The following VPS41 variants were observed in gnomAD, a reference collection of about 807,000 sequenced individuals.
The protein encoded by VPS41 is vacuolar protein sorting-associated protein 41 homolog.
Under a neutral mutation model 130.9 loss-of-function variants are expected in VPS41, and 85 were observed. That is an observed-to-expected ratio of 0.65 (90% CI 0.55 to 0.78). VPS41 has a LOEUF of 0.78. VPS41 is among the 30% of genes least tolerant of loss of function. The pLI, the probability that VPS41 is intolerant of heterozygous loss-of-function variation, is 0.00. For missense variants in VPS41, 874 were observed against 1,018.7 expected (o/e 0.86, Z 1.93); for synonymous variants, 335 against 332.9 (o/e 1.01, Z -0.07).
intron 5 of VPS41, 21 bp downstream of exon 5, chr7:38,830,233 A>G (rs779340650): frequency 6.4e-7 from 1 of 1,572,854 alleles, no homozygotes; most frequent in East Asian, 2.2e-5. Context: ...AACTCTCTGC[A>G]TGACCACATC....
At chr7:38,875,456 A>T (rs1025864163) in intron 2 of VPS41, among the ~76,000 whole-genome samples, 1 of 152,200 alleles carries the variant, frequency 6.6e-6, no homozygotes, top group Non-Finnish European at 1.5e-5. Flanking sequence ...CCAAGAAAGA[A>T]TGCTACTTCC....
At chr7:38,727,234 T>G (rs1299458746) in intron 27 of VPS41, 1 of 286,076 alleles carries the variant, frequency 3.5e-6, no homozygotes, top group Non-Finnish European at 6.5e-6. Flanking sequence ...CAGACTACAT[T>G]GAGGACAACT....
chr7:38,881,534 A>G (rs1179142567), intron 2 of VPS41, among the ~76,000 whole-genome samples: 1 of 152,198 alleles, frequency 6.6e-6, no homozygotes, highest in Non-Finnish European at 1.5e-5. Flanking sequence ...GAATAATATA[A>G]GGATCAGAGA....
chr7:38,876,533 A>T (rs1222126983), intron 2 of VPS41, among the ~76,000 whole-genome samples: 2 of 152,076 alleles, frequency 1.3e-5, no homozygotes, highest in Admixed American at 1.3e-4. Context: ...GATAGCAAAT[A>T]AAAAAAATCA....
intron 25 of VPS41, among the ~76,000 whole-genome samples, chr7:38,739,530 T>C (rs1795842094): frequency 2.6e-5 from 4 of 152,224 alleles, no homozygotes; most frequent in Admixed American, 2.6e-4. Context: ...CGGTCATTAA[T>C]ACATTATGTA....
chr7:38,774,295 C>A (rs773384092), intron 11 of VPS41, 51 bp from the exon 12 acceptor site: 1 of 1,478,618 alleles, frequency 6.8e-7, no homozygotes, highest in Non-Finnish European at 9.1e-7. Flanking sequence ...TTCTATATAT[C>A]ATACAAATTA....
At chr7:38,908,435 G>A (rs1041452506) in intron 1 of VPS41, among the ~76,000 whole-genome samples, 12 of 152,186 alleles carry the variant, frequency 7.9e-5, no homozygotes, top group Non-Finnish European at 1.8e-4. Context: ...CACGTTGCCA[G>A]TTGTTGACTG....
intron 25 of VPS41, among the ~76,000 whole-genome samples, chr7:38,732,683 T>C (rs900472076): frequency 3.3e-5 from 5 of 152,198 alleles, no homozygotes; most frequent in Non-Finnish European, 7.3e-5. Flanking sequence ...AAAAAAAAGA[T>C]AGGGCTATAA....
intron 7 of VPS41, among the ~76,000 whole-genome samples, chr7:38,799,643 A>G (rs1435321964): frequency 6.6e-6 from 1 of 152,220 alleles, no homozygotes; most frequent in African/African-American, 2.4e-5. Flanking sequence ...AAATTAACCT[A>G]TAATTTTAAT....
chr7:38,768,666 G>A (rs1784095644), intron 14 of VPS41, among the ~76,000 whole-genome samples: 1 of 152,084 alleles, frequency 6.6e-6, no homozygotes. Flanking sequence ...TCTGGAAACA[G>A]ATCACACGTA....
At position 38,795,472 on chromosome 7, in the gene VPS41, G is replaced by C. The variant is rs1784601479; in HGVS notation, c.710C>G (p.Ser237Cys). ...NVTLIIGWGT[S>C]VKVCSVKERH... The stretch of plus-strand genomic sequence containing the variant: ...AAAGACAAGCAAAACCACCTTGACA[G>C]AAGTCCCCCAGCCAATAATCAGTGT... The change falls in exon 9 of 29, where the codon TCT (serine) becomes TGT (cysteine). Residue 237 changes from serine to cysteine, a missense_variant. By Grantham distance (112) the Ser-to-Cys change is moderately radical. Coordinates refer to ENST00000310301, the MANE Select transcript of VPS41 (RefSeq NM_014396.4). 4 of 1,610,970 alleles carry C rather than the reference G, an allele frequency of 2.5e-6. No individual in the cohort carries two copies. In the South Asian group the frequency reaches 4.4e-5, roughly 18 times the overall value.
At chr7:38,904,251 G>A (rs1469373990) in intron 1 of VPS41, among the ~76,000 whole-genome samples, 3 of 152,250 alleles carry the variant, frequency 2.0e-5, no homozygotes, top group South Asian at 2.1e-4. Flanking sequence ...ATGTGGGCGC[G>A]GCGGAGGCTA....
At chr7:38,872,221 G>A (rs994300273) in intron 2 of VPS41, among the ~76,000 whole-genome samples, 10 of 152,168 alleles carry the variant, frequency 6.6e-5, no homozygotes, top group South Asian at 2.1e-4. Context: ...CACTCACTCC[G>A]GAGGAAGCCA....
intron 4 of VPS41, among the ~76,000 whole-genome samples, chr7:38,841,933 T>C (rs919506728): frequency 3.9e-5 from 6 of 152,222 alleles, no homozygotes; most frequent in African/African-American, 1.4e-4. Flanking sequence ...TCAGTCACCC[T>C]TTCAGGTTGT....
Position 38,772,549 on chromosome 7 carries a change from G to A in VPS41, c.1101C>T (p.Asp367=). The part of the protein sequence containing the change: ...AKERDQDDHI[D]WLLEKKKYEE... Reference sequence around the variant, plus strand: ...CATATTTCTTCTTTTCAAGGAGCCAGTCAATGTGATCATCTTGGTCTCGTT... The same window carrying A: ...CATATTTCTTCTTTTCAAGGAGCCAATCAATGTGATCATCTTGGTCTCGTT... The change falls in exon 13 of 29, where the codon GAC becomes GAT. Residue 367 remains aspartate, a synonymous_variant. Coordinates refer to ENST00000310301, the MANE Select transcript of VPS41 (RefSeq NM_014396.4). 6.2e-7 allele frequency: 1 copy of A among 1,613,082 alleles called. No individual in the cohort carries two copies. Among genetic ancestry groups the A allele is most frequent in the East Asian group, 2.2e-5 (1 of 44,782 alleles).
At chr7:38,754,446 G>A (rs1046015923) in intron 21 of VPS41, among the ~76,000 whole-genome samples, 2 of 152,114 alleles carry the variant, frequency 1.3e-5, no homozygotes, top group African/African-American at 2.4e-5. Flanking sequence ...ATAATAGATA[G>A]ATTGGTAACT....
rs536400759 is a variant in VPS41, at chr7:38,885,015, G to C, written c.60+13076C>G. Among the ~76,000 whole-genome samples the C allele has an allele frequency of 3.3e-5, 5 of 152,258 alleles. No homozygotes were observed. In the South Asian group the frequency reaches 1.0e-3, roughly 32 times the overall value. On this transcript the variant is annotated intron_variant, in intron 2 of 28. Transcript: ENST00000310301. ...CTCTAAACTCTTCTGAGAAAGGTGG[G>C]ATATACTTCTAAATATATAATACAC...
intron 1 of VPS41, 102 bp from the exon 2 acceptor site, chr7:38,898,231 T>A: frequency 1.1e-6 from 1 of 945,964 alleles, no homozygotes; most frequent in Non-Finnish European, 1.7e-6. Flanking sequence ...GCATCTGCCC[T>A]TTTTGGAAGA....
intron 22 of VPS41, among the ~76,000 whole-genome samples, chr7:38,747,602 C>T (rs1796012153): frequency 6.6e-6 from 1 of 152,182 alleles, no homozygotes; most frequent in South Asian, 2.1e-4. Flanking sequence ...TAAGAACATG[C>T]TAGTCTCAAA....
Sources: gnomAD v4.1 joint callset for allele counts (sites outside exome capture counted in the v4.1 genomes callset) on GRCh38, gnomAD v4.1.1 for gene constraint, MANE v1.5 for transcripts, NCBI Gene and HGNC (gene_info 2026-07-23, HGNC 2026-07-21) for gene names.